NXPE1: variants seen among roughly 807,000 people sequenced by gnomAD.
The protein encoded by NXPE1 is neurexophilin and PC-esterase domain family member 1, also known as NXPE family member 1.
Under a neutral mutation model 33.3 loss-of-function variants are expected in NXPE1, and 31 were observed. The observed-to-expected ratio is 0.93, with a 90% confidence interval of 0.70 to 1.26. The LOEUF (loss-of-function observed/expected upper bound fraction) is 1.26. Among genes scored for constraint, NXPE1 ranks in the 50% most tolerant of loss-of-function variants. The probability of loss-of-function intolerance (pLI) is 0.00; values close to 1 mark genes in which losing one functional copy is unlikely to be tolerated. For synonymous variants in NXPE1, 229 were observed against 231.4 expected (o/e 0.99, Z 0.09); for missense variants, 661 against 655.6 (o/e 1.01, Z -0.09).
chr11:114,536,935 C>G (rs893662969), intron 5 of NXPE1, among the ~76,000 whole-genome samples: 4 of 152,156 alleles, frequency 2.6e-5, no homozygotes. Context: ...TTTTATGAAG[C>G]CAGCATCATC....
At chr11:114,553,871 A>T in intron 1 of NXPE1, 2 of 967,582 alleles carry the variant, frequency 2.1e-6, no homozygotes, top group Non-Finnish European at 2.5e-6. Context: ...GAAATAGGCC[A>T]TGATGGGTAC....
chr11:114,519,488 A>G (rs1162895465), downstream of NXPE1, among the ~76,000 whole-genome samples: 1 of 152,252 alleles, frequency 6.6e-6, no homozygotes, highest in Non-Finnish European at 1.5e-5. Flanking sequence ...GAGATAACAG[A>G]TACTTTTAAA....
intron 6 of NXPE1, chr11:114,528,835 G>C (rs1186450996): frequency 1.5e-6 from 1 of 676,984 alleles, no homozygotes; most frequent in Non-Finnish European, 2.7e-6. Context: ...GTGCCATCCT[G>C]AGAAGAGAAA....
downstream of NXPE1, among the ~76,000 whole-genome samples, chr11:114,521,216 C>A (rs112917391): frequency 2.2e-3 from 336 of 152,280 alleles, no homozygotes; most frequent in African/African-American, 7.9e-3. Flanking sequence ...TGCCAATTTT[C>A]AAAATAAGGG....
chr11:114,556,956 T>C (rs142727084), intron 1 of NXPE1, among the ~76,000 whole-genome samples: 2,881 of 151,496 alleles, frequency 0.019, 94 homozygotes, highest in African/African-American at 0.067. Context: ...GCAGTGGCAC[T>C]ATCTTGGCTC....
chr11:114,541,920 T>C (rs930213022), intron 5 of NXPE1, among the ~76,000 whole-genome samples: 1 of 150,288 alleles, frequency 6.7e-6, no homozygotes, highest in African/African-American at 2.4e-5. Flanking sequence ...CAAGTTTATG[T>C]TTATCAATTG....
At chr11:114,548,783 A>T (rs1204147045) in intron 5 of NXPE1, among the ~76,000 whole-genome samples, 1 of 151,922 alleles carries the variant, frequency 6.6e-6, no homozygotes, top group Non-Finnish European at 1.5e-5. Context: ...AGAAAGAAAA[A>T]GGTAGGAATT....
At chr11:114,534,733 G>C (rs1258266076) in intron 5 of NXPE1, among the ~76,000 whole-genome samples, 1 of 152,134 alleles carries the variant, frequency 6.6e-6, no homozygotes, top group Non-Finnish European at 1.5e-5. Context: ...GAAGTTTGGA[G>C]AAAAAAGAAT....
At chr11:114,549,094 G>A (rs757866107) in intron 5 of NXPE1, among the ~76,000 whole-genome samples, 28 of 151,744 alleles carry the variant, frequency 1.8e-4, no homozygotes, top group Non-Finnish European at 2.7e-4. Context: ...ATTGACCTGA[G>A]TGACATTAAA....
intron 5 of NXPE1, among the ~76,000 whole-genome samples, chr11:114,536,095 G>A (rs1204048159): frequency 1.3e-5 from 2 of 152,128 alleles, no homozygotes; most frequent in East Asian, 1.9e-4. Context: ...TCAGACCACA[G>A]TGCAATCAAA....
intron 5 of NXPE1, among the ~76,000 whole-genome samples, chr11:114,537,321 A>G (rs1305490067): frequency 6.6e-6 from 1 of 152,214 alleles, no homozygotes; most frequent in Non-Finnish European, 1.5e-5. Context: ...CACAGCCAAT[A>G]TCATACTGAA....
At chr11:114,527,982 GA>G in intron 6 of NXPE1, 81 bp from the exon 7 acceptor site, 1 of 1,049,716 alleles carries the variant, frequency 9.5e-7, no homozygotes, top group Non-Finnish European at 1.4e-6. Flanking sequence ...GTGAGTGAAG[GA>G]AAATTTTTAG....
chr11:114,525,669 A>C (rs1947346889), intron 7 of NXPE1, among the ~76,000 whole-genome samples: 1 of 152,188 alleles, frequency 6.6e-6, no homozygotes, highest in South Asian at 2.1e-4. Flanking sequence ...CCTGAGTTGC[A>C]ACACCTGGCT....
intron 5 of NXPE1, among the ~76,000 whole-genome samples, chr11:114,540,913 G>A (rs1948076784): frequency 8.1e-6 from 1 of 123,472 alleles, no homozygotes; most frequent in Non-Finnish European, 1.6e-5. Flanking sequence ...AGCAGAGTCT[G>A]CAGCAACACA....
chr11:114,534,248 C>A (rs949931203), intron 5 of NXPE1, among the ~76,000 whole-genome samples: 5 of 152,184 alleles, frequency 3.3e-5, no homozygotes, highest in Non-Finnish European at 7.4e-5. Flanking sequence ...GGAAAACTAA[C>A]AAACAGAAAG....
intron 5 of NXPE1, among the ~76,000 whole-genome samples, chr11:114,535,176 A>C (rs982332117): frequency 6.6e-6 from 1 of 152,192 alleles, no homozygotes; most frequent in African/African-American, 2.4e-5. Flanking sequence ...ATATCCAACC[A>C]AACTAAGCTT....
chr11:114,533,473 G>A (rs1193731456), intron 5 of NXPE1, among the ~76,000 whole-genome samples: 8 of 152,214 alleles, frequency 5.3e-5, no homozygotes, highest in Non-Finnish European at 1.0e-4. Context: ...TGCATGAGCT[G>A]AAGCAGGGCG....
intron 5 of NXPE1, 121 bp downstream of exon 5, chr11:114,550,982 G>A: frequency 1.6e-6 from 1 of 612,432 alleles, no homozygotes; most frequent in South Asian, 2.0e-5. Flanking sequence ...AGAGAGAGAA[G>A]ATAGGGCAGT....
rs761991843 is a variant in NXPE1, at chr11:114,522,508, T to TA, written c.1109-6dup. On this transcript the variant is annotated splice_region_variant and splice_polypyrimidine_tract_variant and intron_variant, in intron 8 of 8. Coordinates refer to ENST00000534921, the Ensembl canonical transcript of NXPE1. ...GAAGATCAAAAAACTTCAGTGCTGA[T>TA]AAAAAAACAAATAGATGTTTTAAAT... 13 of 1,570,630 alleles carry TA rather than the reference T, an allele frequency of 8.3e-6. No individual in the cohort carries two copies. Among genetic ancestry groups the TA allele is most frequent in the Middle Eastern group, 1.7e-4 (1 of 5,850 alleles).
Sources: gnomAD v4.1 joint callset for allele counts (sites outside exome capture counted in the v4.1 genomes callset) on GRCh38, gnomAD v4.1.1 for gene constraint, MANE v1.5 for transcripts, NCBI Gene and HGNC (gene_info 2026-07-23, HGNC 2026-07-21) for gene names.